Variants in SYT17 observed in about 807,000 individuals in gnomAD.
SYT17 encodes synaptotagmin-17.
In SYT17, 22 loss-of-function variants were observed where a neutral mutation model predicts 46.7. That is an observed-to-expected ratio of 0.47 (90% CI 0.34 to 0.67). SYT17 has a LOEUF of 0.67. SYT17 is among the 30% of genes least tolerant of loss of function. SYT17 has a pLI of 0.01. For missense variants in SYT17, 519 were observed against 612.8 expected (o/e 0.85, Z 1.62); for synonymous variants, 251 against 248.4 (o/e 1.01, Z -0.10).
intron 7 of SYT17, among the ~76,000 whole-genome samples, chr16:19,226,117 C>G (rs971816012): frequency 1.3e-5 from 2 of 152,174 alleles, no homozygotes; most frequent in Non-Finnish European, 2.9e-5. Flanking sequence ...CCCACCCTGT[C>G]AAGTTGATAT....
At chr16:19,170,430 A>G (rs1964037591) in intron 1 of SYT17, 1 of 151,992 alleles carries the variant, frequency 6.6e-6, no homozygotes, top group Non-Finnish European at 1.5e-5. Flanking sequence ...TTTAGAATGC[A>G]TGGGTTGTCT....
At chr16:19,191,314 C>T (rs973432335) in intron 5 of SYT17, among the ~76,000 whole-genome samples, 2 of 152,148 alleles carry the variant, frequency 1.3e-5, no homozygotes, top group Non-Finnish European at 2.9e-5. Flanking sequence ...TTCAGACGGC[C>T]TTTGGGGCGG....
Position 19,183,428 on chromosome 16 carries a change from C to G in SYT17, c.332-100C>G. 1.4e-6 allele frequency: 2 copies of G among 1,481,452 alleles called. No individual in the cohort carries two copies. The highest frequency in any genetic ancestry group is 1.8e-6 in the Non-Finnish European group (2 of 1,095,630). 91.8% of individuals were successfully genotyped at this position (1,481,452 alleles called of 1,614,324 possible). ...GTGGAGAAAGATGGCAAAGGTCATT[C>G]TGAAGCAGAGTAAACAATGCAAGAA... On this transcript the variant is annotated intron_variant, in intron 4 of 7. Transcript: ENST00000355377. This position sits in a 1 kb window ranked among gnomAD's most constrained non-coding sequence, Gnocchi z 5.6.
intron 7 of SYT17, among the ~76,000 whole-genome samples, chr16:19,258,465 A>T (rs1190553543): frequency 1.3e-5 from 2 of 151,760 alleles, no homozygotes; most frequent in Non-Finnish European, 2.9e-5. Context: ...ACATGGTGAA[A>T]CCCCGTCTCT....
rs550461171 is a variant in SYT17, at chr16:19,207,464, C to G, written c.952-15581C>G. ...GGCTGGGGAGGCCTCAGGAAACTTA[C>G]AATCACGGTGGAAGGCAAGGGGGGG... On this transcript the variant is annotated intron_variant, in intron 5 of 7. Coordinates refer to ENST00000355377, the MANE Select transcript of SYT17 (RefSeq NM_016524.4). Among the ~76,000 whole-genome samples, 4 of 152,024 alleles carry G rather than the reference C, an allele frequency of 2.6e-5. No homozygotes were observed. The East Asian group carries it at 5.8e-4, about 22-fold the overall frequency.
intron 4 of SYT17, among the ~76,000 whole-genome samples, chr16:19,180,976 C>T (rs1031936121): frequency 2.0e-5 from 3 of 152,080 alleles, no homozygotes; most frequent in African/African-American, 7.2e-5. Context: ...ATGGCAGCTG[C>T]CGCTCTGTCT....
At position 19,238,133 on chromosome 16, in the gene SYT17, T is replaced by A. The variant is rs1966873560; in HGVS notation, c.1228+13295T>A. On this transcript the variant is annotated intron_variant, in intron 7 of 7. Coordinates refer to ENST00000355377, the MANE Select transcript of SYT17 (RefSeq NM_016524.4). Reference sequence around the variant, plus strand: ...AGAAGGGTTTCAGAGAGTCACTCACTGGACTATAATGTTGGAGGTAGGATC... The same window carrying A: ...AGAAGGGTTTCAGAGAGTCACTCACAGGACTATAATGTTGGAGGTAGGATC... 1.3e-5 allele frequency among the ~76,000 whole-genome samples: 2 copies of A among 152,186 alleles called. 1 individual carries two copies. Among genetic ancestry groups the A allele is most frequent in the African/African-American group, 4.8e-5 (2 of 41,458 alleles).
intron 7 of SYT17, among the ~76,000 whole-genome samples, chr16:19,232,037 G>C (rs1230902435): frequency 6.6e-6 from 1 of 152,210 alleles, no homozygotes. Flanking sequence ...GAGGATTGCA[G>C]GGGATGCAGA....
rs935058183 is a variant in SYT17, at chr16:19,168,991, G to T, written c.15+330G>T. On this transcript the variant is annotated intron_variant, in intron 1 of 7. Transcript: ENST00000355377. The surrounding 1 kb of genome is among the most constrained non-coding windows in gnomAD (Gnocchi z 6.9). ...GGCACCCCACCCCAGGGGAGGGGCC[G>T]TGGGGAGGGCGGCCCGGGGCGCGCC... Among the ~76,000 whole-genome samples the T allele has an allele frequency of 6.6e-6, 1 of 151,744 alleles. No individual in the cohort carries two copies. The highest frequency in any genetic ancestry group is 1.5e-5 in the Non-Finnish European group (1 of 67,844).
intron 5 of SYT17, among the ~76,000 whole-genome samples, chr16:19,185,947 C>G (rs984773062): frequency 2.0e-5 from 3 of 152,136 alleles, no homozygotes; most frequent in African/African-American, 7.2e-5. Context: ...GGGGAGTGTT[C>G]CCGTTCACTC....
intron 7 of SYT17, among the ~76,000 whole-genome samples, chr16:19,226,425 TC>T (rs1378535055): frequency 6.6e-6 from 1 of 152,134 alleles, no homozygotes; most frequent in Non-Finnish European, 1.5e-5. Flanking sequence ...ATACAAGATT[TC>T]CCCTATATAA....
intron 5 of SYT17, among the ~76,000 whole-genome samples, chr16:19,210,754 C>T (rs1381815209): frequency 6.6e-6 from 1 of 152,194 alleles, no homozygotes; most frequent in Non-Finnish European, 1.5e-5. Context: ...AGACAATAGA[C>T]TTTATCCAAC....
intron 1 of SYT17, chr16:19,172,463 C>T (rs1054039672): frequency 2.4e-5 from 35 of 1,452,170 alleles, no homozygotes; most frequent in Middle Eastern, 1.8e-4. Flanking sequence ...TCTATCCGCC[C>T]GCTCTGATTC....
intron 5 of SYT17, among the ~76,000 whole-genome samples, chr16:19,211,641 G>C (rs1965905881): frequency 6.7e-6 from 1 of 148,876 alleles, no homozygotes; most frequent in East Asian, 2.0e-4. Flanking sequence ...TTTTTTTTGA[G>C]ACAGAGTCTC....
chr16:19,267,284 T>G lies in SYT17; in HGVS notation c.*208T>G. ...CACAAAATGGCCGCCCTCAGTTGAG[T>G]GAGGCCTAGGAACTTTCCGGAAGCC... is the stretch of plus-strand genomic sequence containing the variant. On this transcript the variant is annotated 3_prime_UTR_variant, in exon 8 of 8. Transcript: ENST00000355377. The G allele has an allele frequency of 2.1e-6, 1 of 475,832 alleles. No individual in the cohort carries two copies. The highest frequency in any genetic ancestry group is 3.7e-6 in the Non-Finnish European group (1 of 272,636). The allele number at this position is 475,832 out of a possible 1,614,324, so 29.5% of individuals were successfully genotyped here.
chr16:19,233,485 TA>T (rs34656222), intron 7 of SYT17, among the ~76,000 whole-genome samples: 12,621 of 142,030 alleles, frequency 0.089, 1,123 homozygotes, highest in East Asian at 0.23. Context: ...ATCCCATTTC[TA>T]AAAAAAAAAA....
intron 7 of SYT17, among the ~76,000 whole-genome samples, chr16:19,228,904 G>A (rs1424706166): frequency 1.3e-5 from 2 of 152,206 alleles, no homozygotes; most frequent in Non-Finnish European, 2.9e-5. Flanking sequence ...AGCATTTGCC[G>A]TGAATCCCTG....
At chr16:19,174,653 T>G (rs1964243107) in intron 3 of SYT17, among the ~76,000 whole-genome samples, 1 of 152,194 alleles carries the variant, frequency 6.6e-6, no homozygotes, top group Non-Finnish European at 1.5e-5. Context: ...CTATTTCGAG[T>G]TCTGTGACCT....
chr16:19,237,951 G>A (rs1181097726), intron 7 of SYT17, among the ~76,000 whole-genome samples: 1 of 152,236 alleles, frequency 6.6e-6, no homozygotes, highest in East Asian at 1.9e-4. Flanking sequence ...AGGATAAGAA[G>A]TTGATGGTTT....
Sources: gnomAD v4.1 joint callset for allele counts (sites outside exome capture counted in the v4.1 genomes callset) on GRCh38, gnomAD v4.1.1 for gene constraint, Gnocchi (gnomAD v3.1) non-coding constraint, MANE v1.5 for transcripts, NCBI Gene and HGNC (gene_info 2026-07-23, HGNC 2026-07-21) for gene names.